SYT14: variants seen among roughly 807,000 people sequenced by gnomAD.
SYT14 encodes the protein synaptotagmin-14.
A neutral mutation model predicts 74.2 loss-of-function variants in SYT14; 32 were observed. The ratio of observed to expected loss-of-function variants is 0.43; its 90% CI spans 0.33 to 0.58. The LOEUF (loss-of-function observed/expected upper bound fraction) is 0.58. Ranked by LOEUF, SYT14 falls within the 20% of genes least tolerant of loss-of-function variation. SYT14 has a pLI of 0.05. For missense variants in SYT14, 791 were observed against 981.8 expected, an observed-to-expected ratio of 0.81 and a Z score of 2.60; for synonymous variants, 298 against 337.7, an observed-to-expected ratio of 0.88 and a Z score of 1.29.
Position 210,155,709 on chromosome 1 carries a change from T to G in SYT14, c.2035-12T>G. 6.2e-7 allele frequency: 1 copy of G among 1,613,746 alleles called. No individual in the cohort carries two copies. Among genetic ancestry groups the G allele is most frequent in the Non-Finnish European group, 8.5e-7 (1 of 1,179,778 alleles). On this transcript the variant is annotated splice_polypyrimidine_tract_variant and intron_variant, in intron 7 of 9. Coordinates refer to ENST00000637265, the Ensembl canonical transcript of SYT14. ...TTGCAAAATACTATAAAAATGTTAT[T>G]ATTGATTACAGGGCTGTGACTCCCA... is the stretch of plus-strand genomic sequence containing the variant.
Position 210,138,128 on chromosome 1 carries a change from G to T in SYT14, c.2035-17593G>T, listed in dbSNP as rs116264400. ...ACACTGCCAATAAAGACATACTGAG[G>T]CTGGGTAATTTATAAAGAAAAAGGG... On this transcript the variant is annotated intron_variant, in intron 7 of 9. Transcript: ENST00000637265. Among the ~76,000 whole-genome samples the T allele has an allele frequency of 7.1e-3, 1,086 of 152,276 alleles. 12 individuals carry two copies. Among genetic ancestry groups the T allele is most frequent in the African/African-American group, 0.022 (913 of 41,550 alleles).
chr1:209,967,195 A>G (rs948578269), intron 2 of SYT14, among the ~76,000 whole-genome samples: 1 of 152,078 alleles, frequency 6.6e-6, no homozygotes, highest in Non-Finnish European at 1.5e-5. Context: ...TCCTTTTACT[A>G]TATTGTTGGA....
chr1:210,004,895 T>G (rs1239275232), intron 2 of SYT14, among the ~76,000 whole-genome samples: 3 of 152,042 alleles, frequency 2.0e-5, no homozygotes, highest in Non-Finnish European at 2.9e-5. Flanking sequence ...GATATCATTT[T>G]GCAAATGGAG....
At chr1:210,132,238 A>G (rs2082688809) in intron 7 of SYT14, among the ~76,000 whole-genome samples, 1 of 152,052 alleles carries the variant, frequency 6.6e-6, no homozygotes, top group Non-Finnish European at 1.5e-5. Flanking sequence ...GATGGCCACC[A>G]CCAGGCTGCC....
At chr1:209,979,000 G>A (rs567434148) in intron 2 of SYT14, among the ~76,000 whole-genome samples, 21 of 152,206 alleles carry the variant, frequency 1.4e-4, no homozygotes, top group Admixed American at 8.5e-4. Flanking sequence ...AGGACCCTCC[G>A]AGCCAGGCGC....
At chr1:210,140,338 A>T (rs1329007692) in intron 7 of SYT14, among the ~76,000 whole-genome samples, 1 of 152,126 alleles carries the variant, frequency 6.6e-6, no homozygotes, top group African/African-American at 2.4e-5. Context: ...CTTTGGATAA[A>T]TTTCTATTAA....
At chr1:210,074,429 C>T (rs1287608214) in intron 5 of SYT14, among the ~76,000 whole-genome samples, 2 of 152,134 alleles carry the variant, frequency 1.3e-5, no homozygotes, top group South Asian at 2.1e-4. Context: ...CTGTTAAGTA[C>T]TGTATAGACC....
chr1:210,050,672 T>C (rs1384486518), intron 5 of SYT14, among the ~76,000 whole-genome samples: 2 of 152,192 alleles, frequency 1.3e-5, no homozygotes, highest in African/African-American at 4.8e-5. Context: ...CTCACAATCA[T>C]GGCAGAAGGT....
chr1:210,167,580 G>GAT (rs1220293528), exon 10 of SYT14: 1 of 152,076 alleles, frequency 6.6e-6, no homozygotes, highest in Non-Finnish European at 1.5e-5. Flanking sequence ...CCCCCACAAA[G>GAT]ATATGTGGTT....
At chr1:210,102,491 A>G (rs938582596) in intron 7 of SYT14, among the ~76,000 whole-genome samples, 2 of 152,030 alleles carry the variant, frequency 1.3e-5, no homozygotes, top group Non-Finnish European at 2.9e-5. Flanking sequence ...AAATATACCA[A>G]TAGAATGTAT....
intron 7 of SYT14, among the ~76,000 whole-genome samples, chr1:210,151,829 A>T (rs1171356699): frequency 1.3e-5 from 2 of 152,186 alleles, no homozygotes; most frequent in African/African-American, 4.8e-5. Flanking sequence ...TTTTCACAGC[A>T]GTGAAGTGGG....
chr1:210,168,479 ACATGTGATCTCT>A (rs2083480370), exon 10 of SYT14: 1 of 152,206 alleles, frequency 6.6e-6, no homozygotes, highest in Non-Finnish European at 1.5e-5. Flanking sequence ...TATTACATTA[ACATGTGATCTCT>A]CACCTGACGA....
At chr1:210,059,451 T>TAGAGAGAGAGAGAGAGAG (rs1553272603) in intron 5 of SYT14, among the ~76,000 whole-genome samples, 18 of 69,900 alleles carry the variant, frequency 2.6e-4, no homozygotes, top group African/African-American at 9.4e-4. Context: ...TATATATATA[T>TAGAGAGAGAGAGAGAGAG]AGAGAGAGAG....
intron 5 of SYT14, among the ~76,000 whole-genome samples, chr1:210,043,365 G>C (rs1459910285): frequency 1.3e-5 from 2 of 151,480 alleles, no homozygotes; most frequent in Non-Finnish European, 2.9e-5. Flanking sequence ...AAACCTACCA[G>C]ATAGATATAT....
chr1:210,056,588 G>A (rs1394022819), intron 5 of SYT14, among the ~76,000 whole-genome samples: 3 of 149,490 alleles, frequency 2.0e-5, no homozygotes, highest in Non-Finnish European at 4.4e-5. Flanking sequence ...GGCCAAGGCA[G>A]GCAGATCATG....
At chr1:210,065,976 G>A (rs573578042) in intron 5 of SYT14, among the ~76,000 whole-genome samples, 16 of 151,824 alleles carry the variant, frequency 1.1e-4, no homozygotes, top group East Asian at 1.9e-4. Flanking sequence ...AACGTGTGGC[G>A]TTTGGTTTTT....
At chr1:210,132,450 A>G (rs909972746) in intron 7 of SYT14, among the ~76,000 whole-genome samples, 6 of 151,926 alleles carry the variant, frequency 3.9e-5, no homozygotes, top group Non-Finnish European at 8.8e-5. Flanking sequence ...TGTATAGGTA[A>G]ACTTGTGTCA....
chr1:210,095,989 T>C (rs2102531125), intron 6 of SYT14, among the ~76,000 whole-genome samples: 1 of 152,326 alleles, frequency 6.6e-6, no homozygotes, highest in South Asian at 2.1e-4. Context: ...GATTGTGGGA[T>C]TAATAAACAA....
At chr1:210,069,703 C>T (rs1464443689) in intron 5 of SYT14, among the ~76,000 whole-genome samples, 1 of 151,726 alleles carries the variant, frequency 6.6e-6, no homozygotes, top group Non-Finnish European at 1.5e-5. Context: ...CATTTACTTC[C>T]TATGTATTTA....
Sources: allele counts gnomAD v4.1 joint callset (sites outside exome capture counted in the v4.1 genomes callset), GRCh38; gene constraint gnomAD v4.1.1; transcripts MANE v1.5; gene names NCBI Gene and HGNC (gene_info 2026-07-23, HGNC 2026-07-21).